The following SLC20A2 variants were observed in gnomAD, a reference collection of about 807,000 sequenced individuals.
The protein encoded by SLC20A2 is sodium-dependent phosphate transporter 2.
SLC20A2 carries 30 observed loss-of-function variants against 61.0 expected under a neutral mutation model. That is an observed-to-expected ratio of 0.49 (90% CI 0.37 to 0.67). The LOEUF (loss-of-function observed/expected upper bound fraction) is 0.67, where lower values mean the gene tolerates loss of function less well. Among genes scored for constraint, SLC20A2 ranks in the 30% least tolerant of loss-of-function variants. The pLI is 0.00. For synonymous variants in SLC20A2, 351 were observed against 353.3 expected (o/e 0.99, Z 0.07); for missense variants, 626 against 866.4 (o/e 0.72, Z 3.48).
intron 1 of SLC20A2, among the ~76,000 whole-genome samples, chr8:42,482,667 G>A (rs1167432820): frequency 6.6e-6 from 1 of 152,122 alleles, no homozygotes; most frequent in Non-Finnish European, 1.5e-5. Context: ...GCTACAGTGA[G>A]ACTGGAGTGT....
intron 5 of SLC20A2, among the ~76,000 whole-genome samples, chr8:42,452,912 G>A (rs912915308): frequency 2.6e-5 from 4 of 152,184 alleles, no homozygotes; most frequent in African/African-American, 9.7e-5. Flanking sequence ...GAACGGTAAT[G>A]AGGAAGCCAC....
intron 1 of SLC20A2, among the ~76,000 whole-genome samples, chr8:42,520,681 A>G (rs36130181): frequency 0.22 from 24,820 of 115,430 alleles, 7,510 homozygotes; most frequent in South Asian, 0.43. Context: ...AGCTGAGATC[A>G]TGCCACTGCA....
At chr8:42,444,884 ACTCTC>A in intron 5 of SLC20A2, 122 bp from the exon 6 acceptor site, 1 of 650,842 alleles carries the variant, frequency 1.5e-6, no homozygotes, top group South Asian at 1.9e-5. Flanking sequence ...AGTGAATAAA[ACTCTC>A]AACTAAAAAA....
At chr8:42,484,958 G>T in intron 1 of SLC20A2, 1 of 356,622 alleles carries the variant, frequency 2.8e-6, no homozygotes, top group Non-Finnish European at 5.5e-6. Flanking sequence ...CAGGGCACAC[G>T]ACTAAGCACA....
chr8:42,515,524 T>C (rs1479865529), intron 1 of SLC20A2, among the ~76,000 whole-genome samples: 2 of 152,136 alleles, frequency 1.3e-5, no homozygotes, highest in Non-Finnish European at 2.9e-5. Flanking sequence ...TTACTCACAA[T>C]GGCAAAAGTC....
chr8:42,512,649 C>T (rs771593507), intron 1 of SLC20A2, among the ~76,000 whole-genome samples: 1 of 152,122 alleles, frequency 6.6e-6, no homozygotes, highest in Non-Finnish European at 1.5e-5. Flanking sequence ...CCACGTCCAG[C>T]CCAAAAAACT....
intron 1 of SLC20A2, among the ~76,000 whole-genome samples, chr8:42,514,856 T>C (rs1244246649): frequency 6.6e-6 from 1 of 150,818 alleles, no homozygotes; most frequent in African/African-American, 2.4e-5. Flanking sequence ...GCTCTGTGAG[T>C]GATGGATTCA....
chr8:42,477,260 T>A (rs1244533400), intron 1 of SLC20A2, among the ~76,000 whole-genome samples: 3 of 152,128 alleles, frequency 2.0e-5, no homozygotes, highest in African/African-American at 7.2e-5. Flanking sequence ...ATTACTGGCA[T>A]CGCTGTAGTC....
intron 1 of SLC20A2, among the ~76,000 whole-genome samples, chr8:42,496,042 A>G (rs1809905116): frequency 6.6e-6 from 1 of 151,822 alleles, no homozygotes; most frequent in South Asian, 2.1e-4. Flanking sequence ...GAGCCACCAC[A>G]CCCGGCCAGA....
chr8:42,428,336 T>G (rs144592857), intron 10 of SLC20A2, among the ~76,000 whole-genome samples: 115 of 152,360 alleles, frequency 7.5e-4, no homozygotes, highest in African/African-American at 2.5e-3. Flanking sequence ...GAAACAACTG[T>G]GTCCTACAAT....
At chr8:42,526,115 T>C (rs1811917382) in intron 1 of SLC20A2, among the ~76,000 whole-genome samples, 1 of 152,064 alleles carries the variant, frequency 6.6e-6, no homozygotes, top group African/African-American at 2.4e-5. Context: ...AACTCTGCAG[T>C]GGTGAAGCTG....
At chr8:42,504,073 G>C (rs965620047), upstream of SLC20A2, among the ~76,000 whole-genome samples, 10 of 152,102 alleles carry the variant, frequency 6.6e-5, no homozygotes, top group African/African-American at 2.4e-4. Context: ...CTGAGTAGCT[G>C]GGACTACAGG....
At chr8:42,504,454 G>A (rs952733285), upstream of SLC20A2, among the ~76,000 whole-genome samples, 4 of 152,064 alleles carry the variant, frequency 2.6e-5, no homozygotes, top group Admixed American at 2.0e-4. Context: ...GGAAAGATCC[G>A]AGGAGAAAGA....
chr8:42,490,581 A>C (rs1168707846), intron 1 of SLC20A2, among the ~76,000 whole-genome samples: 1 of 152,216 alleles, frequency 6.6e-6, no homozygotes, highest in African/African-American at 2.4e-5. Context: ...TGAGAGACAG[A>C]GTAAGACTCC....
Position 42,459,899 on chromosome 8 carries a change from G to T in SLC20A2, c.610C>A (p.Pro204Thr). 6.2e-7 allele frequency: 1 copy of T among 1,608,118 alleles called. No homozygotes were observed. Among genetic ancestry groups the T allele is most frequent in the African/African-American group, 1.3e-5 (1 of 74,890 alleles). ...TATGCTTCCAAGGGATCCTTACCTG[G>T]TGCTCCTGTGTACATGATGGAAAAG... is the stretch of plus-strand genomic sequence containing the variant. ...NVFSIMYTGA[P>T]VLGLVLPMWA... The change falls in exon 5 of 11, where the codon CCA (proline) becomes ACA (threonine). Residue 204 changes from proline to threonine, a missense_variant. Pro to Thr is a conservative substitution (Grantham distance 38). Around this residue, in one of 3 missense-constraint regions of SLC20A2, gnomAD observed 361 missense variants for 422.3 expected, o/e 0.85. Transcript: ENST00000520262.
At chr8:42,528,437 G>A (rs1812117911) in intron 1 of SLC20A2, among the ~76,000 whole-genome samples, 1 of 151,598 alleles carries the variant, frequency 6.6e-6, no homozygotes, top group African/African-American at 2.4e-5. Flanking sequence ...ACTCCAGCCT[G>A]GGCGACAAAG....
intron 10 of SLC20A2, 26 bp downstream of exon 10, chr8:42,428,732 A>G: frequency 6.3e-7 from 1 of 1,599,266 alleles, no homozygotes; most frequent in Non-Finnish European, 8.5e-7. Flanking sequence ...GGCCTGGGGA[A>G]GGGCTCCCGG....
At chr8:42,498,301 T>G (rs929202272) in intron 1 of SLC20A2, among the ~76,000 whole-genome samples, 6 of 152,136 alleles carry the variant, frequency 3.9e-5, no homozygotes, top group Non-Finnish European at 8.8e-5. Flanking sequence ...CCCCATCACT[T>G]CCCAGCTATG....
chr8:42,464,345 C>G, intron 3 of SLC20A2, among the ~76,000 whole-genome samples: 1 of 146,894 alleles, frequency 6.8e-6, no homozygotes. Flanking sequence ...TGGTCTTGAA[C>G]TCCTGGGCTA....
Sources: allele counts gnomAD v4.1 joint callset (sites outside exome capture counted in the v4.1 genomes callset), GRCh38; gene constraint gnomAD v4.1.1; regional missense constraint gnomAD v4.1.1; transcripts MANE v1.5; gene names NCBI Gene and HGNC (gene_info 2026-07-23, HGNC 2026-07-21).